The following PIAS4 variants were observed in gnomAD, a reference collection of about 807,000 sequenced individuals.
The protein encoded by PIAS4 is E3 SUMO-protein ligase PIAS4.
Under a neutral mutation model 58.0 loss-of-function variants are expected in PIAS4, and 7 were observed. The observed-to-expected ratio is 0.12, with a 90% CI of 0.07 to 0.23. The LOEUF is 0.23. PIAS4 is among the 10% of genes least tolerant of loss of function. PIAS4 has a pLI of 1.00. For missense variants in PIAS4, 550 were observed against 709.5 expected, an observed-to-expected ratio of 0.78 and a Z score of 2.55; for synonymous variants, 364 against 312.4, an observed-to-expected ratio of 1.17 and a Z score of -1.74.
intron 2 of PIAS4, among the ~76,000 whole-genome samples, chr19:4,016,378 A>T (rs2040054003): frequency 6.6e-6 from 1 of 152,144 alleles, no homozygotes; most frequent in Non-Finnish European, 1.5e-5. Context: ...ACGACTCCAG[A>T]TGCCCCCAGA....
At chr19:4,015,179 A>G (rs2144910278) in intron 2 of PIAS4, among the ~76,000 whole-genome samples, 1 of 152,288 alleles carries the variant, frequency 6.6e-6, no homozygotes, top group Admixed American at 6.5e-5. Context: ...TCCCCCTGCC[A>G]GGTTCTTGGG....
At chr19:4,032,997 C>G (rs1400099914) in intron 7 of PIAS4, 103 bp from the exon 8 acceptor site, 1 of 898,224 alleles carries the variant, frequency 1.1e-6, no homozygotes, top group Non-Finnish European at 1.8e-6. Flanking sequence ...CGTCAGGGGC[C>G]TGTTCTGGGA....
At chr19:4,031,837 G>C (rs1289351139) in intron 7 of PIAS4, among the ~76,000 whole-genome samples, 1 of 152,220 alleles carries the variant, frequency 6.6e-6, no homozygotes, top group Non-Finnish European at 1.5e-5. Context: ...CATACACAAA[G>C]GAGGGAGAGT....
rs765660748 is a variant in PIAS4 at position 4,037,794 on chromosome 19, GGAGGAGGAAGAC to G, written c.1458_1469del (p.Glu486_Glu489del). On this transcript the variant is annotated inframe_deletion, in exon 11 of 11. Transcript: ENST00000262971. This position sits in a 1 kb window ranked among gnomAD's most constrained non-coding sequence, Gnocchi z 5.8. ...CGGAGGATGAGGAGGAGGAGGAAGAGGAGGAGGAAGACGAGGACGAAGAGGGGCCCCGGCCCA... is the reference window on the plus strand; with the variant it reads ...CGGAGGATGAGGAGGAGGAGGAAGAGGAGGACGAAGAGGGGCCCCGGCCCA... 1.3e-6 allele frequency: 2 copies of G among 1,596,340 alleles called. No homozygotes were observed. The highest frequency in any genetic ancestry group is 1.7e-6 in the Non-Finnish European group (2 of 1,172,108).
rs1056975586 is a variant in PIAS4, at chr19:4,013,621, G to A, written c.454+272G>A. 6.6e-6 allele frequency among the ~76,000 whole-genome samples: 1 copy of A among 151,632 alleles called. No individual in the cohort carries two copies. Among genetic ancestry groups the A allele is most frequent in the African/African-American group, 2.4e-5 (1 of 41,372 alleles). On this transcript the variant is annotated intron_variant, in intron 2 of 10. Coordinates refer to ENST00000262971, the MANE Select transcript of PIAS4 (RefSeq NM_015897.4). This position sits in a 1 kb window ranked among gnomAD's most constrained non-coding sequence, Gnocchi z 5.1. ...CAGGAACCTGTGAGCTGTGTTGCGG[G>A]GCATTGGGGCTTGGGGGCTCTCATG... is the stretch of plus-strand genomic sequence containing the variant.
At position 4,038,693 on chromosome 19, in the gene PIAS4, A is replaced by G. The variant is rs2144952592; in HGVS notation, c.*818A>G. The G allele has an allele frequency of 6.5e-6, 1 of 153,590 alleles. No individual in the cohort carries two copies. Among genetic ancestry groups the G allele is most frequent in the African/African-American group, 2.4e-5 (1 of 41,378 alleles). The allele number at this position is 153,590 out of a possible 1,614,324, so 9.5% of individuals were successfully genotyped here. A position where few individuals can be genotyped will look rare whatever the true frequency, so the allele number is the denominator to read the frequency against. The stretch of plus-strand genomic sequence containing the variant: ...CAGGTTAACTTCCCTACGGAACAGC[A>G]CAGATGTCCACAGATGTCCACAGCT... On this transcript the variant is annotated 3_prime_UTR_variant, in exon 11 of 11. Transcript: ENST00000262971. The surrounding 1 kb of genome is among the most constrained non-coding windows in gnomAD (Gnocchi z 4.1).
In PIAS4 at chr19:4,028,911, C is replaced by G. The variant is rs751688776; in HGVS notation, c.802-20C>G. Reference sequence around the variant, plus strand: ...CCCGGCCCCGTCCTGCCAGCCCTGACCCCTTCCTTCTGTCCCCAGAGCTAC... The same window carrying G: ...CCCGGCCCCGTCCTGCCAGCCCTGAGCCCTTCCTTCTGTCCCCAGAGCTAC... On this transcript the variant is annotated intron_variant, in intron 6 of 10. Transcript: ENST00000262971. The G allele has an allele frequency of 1.2e-6, 2 of 1,609,172 alleles. No individual in the cohort carries two copies. The highest frequency in any genetic ancestry group is 1.7e-6 in the Non-Finnish European group (2 of 1,176,706).
In PIAS4 at chr19:4,024,826, C is replaced by T. The variant is rs902854396; in HGVS notation, c.539+706C>T. 3.9e-5 allele frequency among the ~76,000 whole-genome samples: 6 copies of T among 151,942 alleles called. No individual in the cohort carries two copies. The East Asian group carries it at 1.2e-3, about 29-fold the overall frequency. On this transcript the variant is annotated intron_variant, in intron 3 of 10. Transcript: ENST00000262971. ...AGGCTTCCAGGCTGGAGTGCAGTGG[C>T]GCGATTTTGGCTTCCTGCAACCTCC...
chr19:4,025,087 T>G (rs1481669474), intron 3 of PIAS4, among the ~76,000 whole-genome samples: 1 of 152,222 alleles, frequency 6.6e-6, no homozygotes, highest in Non-Finnish European at 1.5e-5. Flanking sequence ...TTCCCAGTTA[T>G]ATAATGAATA....
chr19:4,009,276 C>T (rs930145169), intron 1 of PIAS4, among the ~76,000 whole-genome samples: 12 of 152,238 alleles, frequency 7.9e-5, no homozygotes, highest in African/African-American at 2.2e-4. Flanking sequence ...TACCTCTCTT[C>T]GCCTCCCAAC....
At chr19:4,034,484 C>T (rs937743129) in intron 9 of PIAS4, among the ~76,000 whole-genome samples, 18 of 152,254 alleles carry the variant, frequency 1.2e-4, no homozygotes, top group African/African-American at 2.9e-4. Flanking sequence ...GGAGCTACCC[C>T]GGCTCACGGG....
At chr19:4,022,962 G>T (rs370375673) in intron 2 of PIAS4, among the ~76,000 whole-genome samples, 39 of 151,110 alleles carry the variant, frequency 2.6e-4, no homozygotes, top group African/African-American at 9.2e-4. Flanking sequence ...ACCTGAGGTC[G>T]GGAGTTCGAG....
At chr19:4,011,585 T>C (rs2039992458) in intron 1 of PIAS4, among the ~76,000 whole-genome samples, 2 of 152,340 alleles carry the variant, frequency 1.3e-5, no homozygotes, top group African/African-American at 4.8e-5. Flanking sequence ...CTGTGGCTGC[T>C]ATCTTCCCCT....
At chr19:4,035,322 G>A (rs1005026929) in intron 9 of PIAS4, among the ~76,000 whole-genome samples, 3 of 152,142 alleles carry the variant, frequency 2.0e-5, no homozygotes, top group Non-Finnish European at 4.4e-5. Flanking sequence ...CCGTGGGGCA[G>A]GGGGCCTCTC....
chr19:4,010,721 C>A (rs2039984667), intron 1 of PIAS4, among the ~76,000 whole-genome samples: 1 of 152,186 alleles, frequency 6.6e-6, no homozygotes, highest in South Asian at 2.1e-4. Context: ...CTCTGTGAGC[C>A]TCGGTTTCCT....
chr19:4,019,465 C>A (rs534979246), intron 2 of PIAS4, among the ~76,000 whole-genome samples: 1 of 152,292 alleles, frequency 6.6e-6, no homozygotes, highest in South Asian at 2.1e-4. Context: ...TGGGTGGCTC[C>A]CTTGCTGCCT....
At chr19:4,028,262 C>G in intron 4 of PIAS4, 75 bp downstream of exon 4, 1 of 1,193,132 alleles carries the variant, frequency 8.4e-7, no homozygotes, top group East Asian at 3.2e-5. Flanking sequence ...CAGTCCTGGC[C>G]CAGGCCCTTC....
In PIAS4 at chr19:4,012,914, C is replaced by G. The variant is rs1365456978; in HGVS notation, c.28-9C>G. On this transcript the variant is annotated splice_polypyrimidine_tract_variant and intron_variant, in intron 1 of 10. Transcript: ENST00000262971. ...TCCTCTGAGTGTGTGTGTGCTTGCT[C>G]CTCCTCAGAACATGGTGATGAGTTT... 6.2e-7 allele frequency: 1 copy of G among 1,604,998 alleles called. No homozygotes were observed. The highest frequency in any genetic ancestry group is 1.3e-5 in the African/African-American group (1 of 74,884).
At chr19:4,028,376 G>T (rs879901172) in intron 4 of PIAS4, 134 bp from the exon 5 acceptor site, 10 of 797,978 alleles carry the variant, frequency 1.3e-5, no homozygotes, top group Non-Finnish European at 2.1e-5. Context: ...ACACCCGGGG[G>T]CCCTGATACC....
Sources: allele counts gnomAD v4.1 joint callset (sites outside exome capture counted in the v4.1 genomes callset), GRCh38; gene constraint gnomAD v4.1.1; non-coding constraint Gnocchi (gnomAD v3.1); transcripts MANE v1.5; gene names NCBI Gene and HGNC (gene_info 2026-07-23, HGNC 2026-07-21).